The following PPP3CA variants were observed in gnomAD, a reference collection of about 807,000 sequenced individuals.
PPP3CA encodes protein phosphatase 3 catalytic subunit alpha, also known as CAM-PRP catalytic subunit.
A neutral mutation model predicts 66.5 loss-of-function variants in PPP3CA; 14 were observed. The ratio of observed to expected loss-of-function variants is 0.21; its 90% CI spans 0.14 to 0.33. The LOEUF (loss-of-function observed/expected upper bound fraction) is 0.33, where lower values mean the gene tolerates loss of function less well. Ranked by LOEUF, PPP3CA falls within the 10% of genes least tolerant of loss-of-function variation. PPP3CA has a pLI of 1.00. For missense variants in PPP3CA, 317 were observed against 639.5 expected (o/e 0.50, Z 5.44); for synonymous variants, 232 against 226.2 (o/e 1.03, Z -0.23).
intron 2 of PPP3CA, among the ~76,000 whole-genome samples, chr4:101,112,947 T>C (rs1036057956): frequency 1.3e-5 from 2 of 152,134 alleles, no homozygotes; most frequent in African/African-American, 4.8e-5. Flanking sequence ...GTGCTAGGAT[T>C]ATTCTATTGG....
intron 1 of PPP3CA, among the ~76,000 whole-genome samples, chr4:101,280,176 T>A (rs1560695475): frequency 6.6e-6 from 1 of 152,152 alleles, no homozygotes. Flanking sequence ...CAGACAAATA[T>A]ACGGCATGTC....
intron 8 of PPP3CA, among the ~76,000 whole-genome samples, chr4:101,069,029 A>C (rs902451577): frequency 6.6e-6 from 1 of 152,010 alleles, no homozygotes; most frequent in Non-Finnish European, 1.5e-5. Flanking sequence ...TAAATGACTA[A>C]ATTTTTCTGT....
intron 1 of PPP3CA, among the ~76,000 whole-genome samples, chr4:101,217,860 G>A (rs926758760): frequency 6.6e-6 from 1 of 151,936 alleles, no homozygotes; most frequent in African/African-American, 2.4e-5. Context: ...AGAAACTGAG[G>A]GCCTGAAATC....
intron 1 of PPP3CA, among the ~76,000 whole-genome samples, chr4:101,320,860 T>C (rs1729021256): frequency 1.3e-5 from 2 of 152,148 alleles, no homozygotes; most frequent in South Asian, 4.2e-4. Flanking sequence ...TCTGAGATCT[T>C]TGTGAAAAGA....
At chr4:101,180,480 C>T (rs1173204720) in intron 2 of PPP3CA, among the ~76,000 whole-genome samples, 5 of 152,180 alleles carry the variant, frequency 3.3e-5, no homozygotes, top group Admixed American at 3.3e-4. Context: ...ATTTAACCTA[C>T]TGCCTGTGGA....
intron 2 of PPP3CA, among the ~76,000 whole-genome samples, chr4:101,192,062 T>C (rs1456174771): frequency 6.6e-6 from 1 of 152,202 alleles, no homozygotes; most frequent in Non-Finnish European, 1.5e-5. Flanking sequence ...ATGAGTGGAA[T>C]GTTCTCTGCT....
At chr4:101,128,622 C>T (rs533367892) in intron 2 of PPP3CA, among the ~76,000 whole-genome samples, 2 of 151,658 alleles carry the variant, frequency 1.3e-5, no homozygotes, top group South Asian at 4.2e-4. Flanking sequence ...CGGGGCGTCA[C>T]CTTACCTGGG....
chr4:101,035,018 C>A (rs965023163), intron 11 of PPP3CA, among the ~76,000 whole-genome samples: 1 of 152,160 alleles, frequency 6.6e-6, no homozygotes, highest in South Asian at 2.1e-4. Flanking sequence ...GTAATTCCAG[C>A]ACTTTGGGAG....
intron 2 of PPP3CA, among the ~76,000 whole-genome samples, chr4:101,152,454 A>G (rs1415773875): frequency 1.3e-5 from 2 of 152,234 alleles, no homozygotes; most frequent in East Asian, 3.8e-4. Context: ...CACCCTGTCC[A>G]AATGATCACA....
intron 1 of PPP3CA, among the ~76,000 whole-genome samples, chr4:101,216,856 C>T (rs1197863923): frequency 6.6e-6 from 1 of 152,056 alleles, no homozygotes; most frequent in African/African-American, 2.4e-5. Flanking sequence ...TGGCCAGCCC[C>T]ATAACCTACT....
At chr4:101,036,816 C>A (rs1727274939) in intron 11 of PPP3CA, among the ~76,000 whole-genome samples, 1 of 152,168 alleles carries the variant, frequency 6.6e-6, no homozygotes, top group Non-Finnish European at 1.5e-5. Context: ...CCTACTCTTC[C>A]CGATAAATAC....
intron 10 of PPP3CA, 41 bp from the exon 11 acceptor site, chr4:101,040,607 T>C (rs898990684): frequency 1.3e-6 from 2 of 1,519,156 alleles, no homozygotes; most frequent in East Asian, 2.3e-5. Context: ...TAATTTTTTA[T>C]CTAATTGTAA....
At chr4:101,053,334 A>G (rs1285134005) in intron 10 of PPP3CA, among the ~76,000 whole-genome samples, 1 of 152,050 alleles carries the variant, frequency 6.6e-6, no homozygotes, top group African/African-American at 2.4e-5. Context: ...TCTCATATTA[A>G]TTTTTCTGCA....
In PPP3CA at chr4:101,024,349, G is replaced by A. The variant is rs1447683428; in HGVS notation, c.*1516C>T. ...TCTGTAAGTTCATGCACATTTTATT[G>A]AGTAGTAATATAAAATGCTTTTTCT... is the stretch of plus-strand genomic sequence containing the variant. On this transcript the variant is annotated 3_prime_UTR_variant, in exon 14 of 14. Transcript: ENST00000394854. 1 of 152,664 alleles carries A rather than the reference G, an allele frequency of 6.6e-6. No homozygotes were observed. The highest frequency in any genetic ancestry group is 1.5e-5 in the Non-Finnish European group (1 of 68,036). The allele number at this position is 152,664 out of a possible 1,614,324, so 9.5% of individuals were successfully genotyped here.
At chr4:101,294,786 G>A (rs1422819661) in intron 1 of PPP3CA, among the ~76,000 whole-genome samples, 1 of 151,638 alleles carries the variant, frequency 6.6e-6, no homozygotes, top group Non-Finnish European at 1.5e-5. Flanking sequence ...CTAGATACCA[G>A]CACTCTCTTG....
rs33919153 is a variant in PPP3CA, at chr4:101,170,270, G to GA, written c.259+25645dup. Among the ~76,000 whole-genome samples the GA allele has an allele frequency of 3.4e-3, 506 of 149,666 alleles. 4 individuals carry two copies. Among genetic ancestry groups the GA allele is most frequent in the East Asian group, 0.017 (84 of 5,030 alleles). ...CAATTATATAAAACTACATAGAAAA[G>GA]AAAAAAAAAACTCCTCCTGACTCTT... On this transcript the variant is annotated intron_variant, in intron 2 of 13. Coordinates refer to ENST00000394854, the MANE Select transcript of PPP3CA (RefSeq NM_000944.5).
intron 1 of PPP3CA, among the ~76,000 whole-genome samples, chr4:101,202,610 C>A (rs573933315): frequency 6.6e-6 from 1 of 151,400 alleles, no homozygotes; most frequent in East Asian, 1.9e-4. Context: ...GTTCTACTTA[C>A]GCTACTCCTT....
intron 1 of PPP3CA, among the ~76,000 whole-genome samples, chr4:101,265,179 C>G (rs1178569901): frequency 6.6e-6 from 1 of 152,156 alleles, no homozygotes; most frequent in African/African-American, 2.4e-5. Flanking sequence ...AGTAGTGGTG[C>G]AAACAGGGCT....
At chr4:101,218,756 A>G (rs941777255) in intron 1 of PPP3CA, among the ~76,000 whole-genome samples, 2 of 152,092 alleles carry the variant, frequency 1.3e-5, no homozygotes, top group Admixed American at 6.6e-5. Flanking sequence ...TCTGAGAAAA[A>G]AAAGAATAGA....
Sources: allele counts gnomAD v4.1 joint callset (sites outside exome capture counted in the v4.1 genomes callset), GRCh38; gene constraint gnomAD v4.1.1; transcripts MANE v1.5; gene names NCBI Gene and HGNC (gene_info 2026-07-23, HGNC 2026-07-21).